CDK14: variants seen among roughly 807,000 people sequenced by gnomAD.
The protein encoded by CDK14 is cyclin-dependent kinase 14.
A neutral mutation model predicts 60.7 loss-of-function variants in CDK14; 34 were observed. The ratio of observed to expected loss-of-function variants is 0.56; its 90% CI spans 0.43 to 0.75. CDK14 has a LOEUF of 0.75. CDK14 is among the 30% of genes least tolerant of loss of function. The pLI is 0.00. For missense variants in CDK14, 482 were observed against 564.1 expected (o/e 0.85, Z 1.47); for synonymous variants, 197 against 203.7 (o/e 0.97, Z 0.28).
intron 5 of CDK14, among the ~76,000 whole-genome samples, chr7:90,838,049 G>T (rs1389805208): frequency 6.6e-6 from 1 of 152,118 alleles, no homozygotes; most frequent in Non-Finnish European, 1.5e-5. Flanking sequence ...CGGGTATGAC[G>T]GTGGTCGAGT....
chr7:90,832,663 ATTGATAAGTC>A (rs974812476), intron 5 of CDK14, among the ~76,000 whole-genome samples: 1 of 152,232 alleles, frequency 6.6e-6, no homozygotes, highest in African/African-American at 2.4e-5. Context: ...TTGAAGTATC[ATTGATAAGTC>A]TTGTGGTTGA....
chr7:90,823,208 T>A (rs1789611688), intron 5 of CDK14, among the ~76,000 whole-genome samples: 1 of 152,152 alleles, frequency 6.6e-6, no homozygotes, highest in Admixed American at 6.6e-5. Context: ...ATGTTCAAAG[T>A]CTTAAATTTT....
chr7:90,804,130 G>A (rs1788741154), intron 5 of CDK14, among the ~76,000 whole-genome samples: 2 of 152,168 alleles, frequency 1.3e-5, no homozygotes, highest in South Asian at 2.1e-4. Flanking sequence ...GAGCAAAAAG[G>A]CGATATTGAG....
At chr7:90,943,229 CA>C (rs1395789723) in intron 8 of CDK14, among the ~76,000 whole-genome samples, 27 of 152,104 alleles carry the variant, frequency 1.8e-4, no homozygotes, top group African/African-American at 6.0e-4. Context: ...GTACATTTTA[CA>C]TAAGACCCAG....
intron 3 of CDK14, among the ~76,000 whole-genome samples, chr7:90,744,303 G>A (rs1180679543): frequency 6.6e-6 from 1 of 152,164 alleles, no homozygotes; most frequent in East Asian, 1.9e-4. Flanking sequence ...CACAGCACAT[G>A]TTTCAGAGAG....
chr7:91,147,252 T>G (rs1800681523), intron 14 of CDK14, among the ~76,000 whole-genome samples: 2 of 151,894 alleles, frequency 1.3e-5, no homozygotes, highest in African/African-American at 4.8e-5. Context: ...AAGAGGCAGA[T>G]GTGTCCTGCA....
intron 5 of CDK14, among the ~76,000 whole-genome samples, chr7:90,838,999 G>T (rs13227431): frequency 0.15 from 22,980 of 151,984 alleles, 1,847 homozygotes; most frequent in Non-Finnish European, 0.18. Flanking sequence ...TGCAGCTAGG[G>T]GTCGCCATCA....
At chr7:90,702,244 A>G (rs749011125) in intron 2 of CDK14, among the ~76,000 whole-genome samples, 5 of 152,176 alleles carry the variant, frequency 3.3e-5, no homozygotes, top group Non-Finnish European at 7.4e-5. Flanking sequence ...TCCACAAGGG[A>G]TGGCAAAAAG....
intron 2 of CDK14, among the ~76,000 whole-genome samples, chr7:90,641,170 C>T (rs940562140): frequency 1.3e-5 from 2 of 151,914 alleles, no homozygotes; most frequent in African/African-American, 4.8e-5. Flanking sequence ...TTGGAACTCT[C>T]ATACCCTGGG....
At chr7:90,625,425 C>T (rs1799856999) in intron 2 of CDK14, among the ~76,000 whole-genome samples, 1 of 152,184 alleles carries the variant, frequency 6.6e-6, no homozygotes, top group Non-Finnish European at 1.5e-5. Context: ...TCTTCCTCTC[C>T]TATTTAGATG....
intron 4 of CDK14, among the ~76,000 whole-genome samples, chr7:90,782,923 C>G (rs990834877): frequency 1.3e-5 from 2 of 152,080 alleles, no homozygotes; most frequent in Non-Finnish European, 2.9e-5. Flanking sequence ...GATAGACTAT[C>G]AAGCCAGTGA....
At chr7:90,743,786 A>G (rs1414053801) in intron 3 of CDK14, among the ~76,000 whole-genome samples, 1 of 152,154 alleles carries the variant, frequency 6.6e-6, no homozygotes, top group Non-Finnish European at 1.5e-5. Flanking sequence ...TTTGTCTGCT[A>G]TCAATACTAC....
At chr7:90,634,528 A>G (rs1460863122) in intron 2 of CDK14, among the ~76,000 whole-genome samples, 1 of 151,602 alleles carries the variant, frequency 6.6e-6, no homozygotes, top group East Asian at 1.9e-4. Flanking sequence ...AATCCAGTCT[A>G]TCATTGTTGG....
chr7:90,920,984 G>A (rs979031752), intron 8 of CDK14, among the ~76,000 whole-genome samples: 4 of 151,870 alleles, frequency 2.6e-5, no homozygotes, highest in African/African-American at 9.7e-5. Flanking sequence ...CCTTACCTGA[G>A]CCTTATTTTC....
intron 7 of CDK14, among the ~76,000 whole-genome samples, chr7:90,914,861 T>A (rs1221755449): frequency 6.6e-6 from 1 of 152,238 alleles, no homozygotes; most frequent in Non-Finnish European, 1.5e-5. Flanking sequence ...GCCATCCAGA[T>A]GTCTCTAAAT....
intron 2 of CDK14, chr7:90,710,084 TC>T: frequency 2.1e-6 from 2 of 938,452 alleles, no homozygotes; most frequent in Non-Finnish European, 2.5e-6. Flanking sequence ...TTTACTCACT[TC>T]CTTCTATTTA....
At chr7:90,785,057 A>G (rs1385789614) in intron 4 of CDK14, among the ~76,000 whole-genome samples, 1 of 152,232 alleles carries the variant, frequency 6.6e-6, no homozygotes, top group Non-Finnish European at 1.5e-5. Flanking sequence ...CTAGACCAAT[A>G]CCGCAAGGAA....
intron 6 of CDK14, among the ~76,000 whole-genome samples, chr7:90,898,346 T>C (rs934042479): frequency 3.9e-5 from 6 of 152,128 alleles, no homozygotes; most frequent in African/African-American, 1.4e-4. Flanking sequence ...TCAGCAATTA[T>C]AACCTAGCAT....
intron 8 of CDK14, among the ~76,000 whole-genome samples, chr7:90,930,509 G>A (rs1013643306): frequency 7.1e-6 from 1 of 141,460 alleles, no homozygotes; most frequent in Non-Finnish European, 1.5e-5. Flanking sequence ...GTACTGTGCA[G>A]TGTTATAGCA....
Sources: allele counts gnomAD v4.1 joint callset (sites outside exome capture counted in the v4.1 genomes callset), GRCh38; gene constraint gnomAD v4.1.1; transcripts MANE v1.5; gene names NCBI Gene and HGNC (gene_info 2026-07-23, HGNC 2026-07-21).